Variants in ITGAE observed in about 807,000 individuals in gnomAD.
The protein encoded by ITGAE is integrin alpha-E.
Under a neutral mutation model 136.5 loss-of-function variants are expected in ITGAE, and 99 were observed. That is an observed-to-expected ratio of 0.73 (90% confidence interval 0.62 to 0.86). ITGAE has a LOEUF of 0.86. Ranked by LOEUF, ITGAE falls within the 40% of genes least tolerant of loss-of-function variation. The pLI, the probability that ITGAE is intolerant of heterozygous loss-of-function variation, is 0.00. For synonymous variants in ITGAE, 613 were observed against 591.8 expected, an observed-to-expected ratio of 1.04 and a Z score of -0.52; for missense variants, 1,447 against 1,515.3, an observed-to-expected ratio of 0.95 and a Z score of 0.75.
Position 3,750,466 on chromosome 17 carries a change from G to C in ITGAE, c.1910C>G (p.Thr637Arg), listed in dbSNP as rs142383038. ...ASPSQRIRAS[T>R]VAPGLQYFGM... is the part of the protein sequence containing the mutation. ...GAAGTACTGGAGTCCTGGGGCCACC[G>C]TGGAGGCTCTGATCCGCTGTGGAGG... Residue 637 changes from threonine (T) to arginine (R), a missense_variant, in exon 16 of 31, where the codon ACG becomes AGG. Physicochemically the swap from Thr to Arg is moderately conservative, Grantham distance 71. Transcript: ENST00000263087. 3 of 1,613,986 alleles carry C rather than the reference G, an allele frequency of 1.9e-6. No individual in the cohort carries two copies. Among genetic ancestry groups the C allele is most frequent in the Non-Finnish European group, 2.5e-6 (3 of 1,180,014 alleles).
At chr17:3,746,648 C>T (rs1428165145) in intron 17 of ITGAE, among the ~76,000 whole-genome samples, 3 of 152,050 alleles carry the variant, frequency 2.0e-5, no homozygotes, top group Admixed American at 6.6e-5. Context: ...TTAGTGGAGA[C>T]GGCGTTTCAC....
chr17:3,760,396 A>AG (rs2052136707), intron 6 of ITGAE, 109 bp from the exon 7 acceptor site: 3 of 289,930 alleles, frequency 1.0e-5, no homozygotes, highest in Non-Finnish European at 2.0e-5. Flanking sequence ...AGCTCAGTTC[A>AG]GGGAAGAAGT....
intron 2 of ITGAE, among the ~76,000 whole-genome samples, chr17:3,777,085 T>C (rs909533610): frequency 1.9e-4 from 29 of 151,864 alleles, no homozygotes; most frequent in South Asian, 6.2e-4. Context: ...CTCAGCCTCC[T>C]GAGTAGCTGG....
chr17:3,723,612 A>G, intron 27 of ITGAE, 76 bp downstream of exon 27: 1 of 1,430,674 alleles, frequency 7.0e-7, no homozygotes, highest in Non-Finnish European at 9.4e-7. Flanking sequence ...AACCCAGGAA[A>G]AACAGTCTCC....
chr17:3,787,535 G>C (rs1434114942), intron 1 of ITGAE, among the ~76,000 whole-genome samples: 1 of 152,162 alleles, frequency 6.6e-6, no homozygotes, highest in Non-Finnish European at 1.5e-5. Context: ...TGGGTTTCCA[G>C]GTGTGAGCCA....
At chr17:3,725,121 G>C (rs150745311) in intron 26 of ITGAE, 3 of 1,614,188 alleles carry the variant, frequency 1.9e-6, no homozygotes, top group East Asian at 4.5e-5. Flanking sequence ...GAAGAAAATT[G>C]TGACTGATGT....
chr17:3,724,291 G>A lies in ITGAE; in HGVS notation c.3085-547C>T, dbSNP rs1171143756. The A allele has an allele frequency of 6.6e-5, 105 of 1,587,020 alleles. No individual in the cohort carries two copies. The highest frequency in any genetic ancestry group is 8.1e-5 in the Non-Finnish European group (95 of 1,174,020). On this transcript the variant is annotated intron_variant, in intron 26 of 30. Transcript: ENST00000263087. Reference sequence around the variant, plus strand: ...GTGACCCCAAGACGCCTGGGGCTGCGAGCTCGGCCCCCGCAGAAGTGCAGC... The same window carrying A: ...GTGACCCCAAGACGCCTGGGGCTGCAAGCTCGGCCCCCGCAGAAGTGCAGC...
chr17:3,785,282 A>G (rs1044960093), intron 1 of ITGAE, among the ~76,000 whole-genome samples: 1 of 152,160 alleles, frequency 6.6e-6, no homozygotes, highest in Non-Finnish European at 1.5e-5. Context: ...CACCCTGGCC[A>G]ACATGGTGAA....
intron 12 of ITGAE, 27 bp downstream of exon 12, chr17:3,755,090 G>T (rs761897244): frequency 1.4e-6 from 2 of 1,416,514 alleles, no homozygotes; most frequent in South Asian, 1.2e-5. Context: ...AGGTGGCCCC[G>T]CCCTCATCAG....
In ITGAE at chr17:3,799,596, C is replaced by T. The variant is rs1056662016; in HGVS notation, c.34+1515G>A. On this transcript the variant is annotated intron_variant, in intron 1 of 30. Transcript: ENST00000263087. The surrounding 1 kb of genome is among the most constrained non-coding windows in gnomAD (Gnocchi z 4.1). ...CTTGCAAGCCTGGGTAGTCACTGCCCGCTCTGTGCCCCAGTCACCTCCTCT... is the reference window on the plus strand; with the variant it reads ...CTTGCAAGCCTGGGTAGTCACTGCCTGCTCTGTGCCCCAGTCACCTCCTCT... Among the ~76,000 whole-genome samples the T allele has an allele frequency of 1.3e-4, 20 of 151,990 alleles. No homozygotes were observed. The highest frequency in any genetic ancestry group is 6.2e-4 in the South Asian group (3 of 4,822).
chr17:3,786,989 T>C (rs892143072), intron 1 of ITGAE, among the ~76,000 whole-genome samples: 13 of 151,938 alleles, frequency 8.6e-5, no homozygotes, highest in Admixed American at 6.6e-4. Flanking sequence ...GTTTACTCCT[T>C]ACAACAGGAA....
rs1016581108 is a variant in ITGAE, at chr17:3,782,289, A to C, written c.35-4629T>G. Among the ~76,000 whole-genome samples, 5 of 148,696 alleles carry C rather than the reference A, an allele frequency of 3.4e-5. 1 individual carries two copies. Among genetic ancestry groups the C allele is most frequent in the African/African-American group, 1.2e-4 (5 of 40,742 alleles). On this transcript the variant is annotated intron_variant, in intron 1 of 30. Transcript: ENST00000263087. ...GACTCGGCCTCAAAAAAAAAAAAAA[A>C]AAAAAAAAAAAAGCATGGTCTGACC...
chr17:3,727,104 T>C lies in ITGAE; in HGVS notation c.3084+815A>G, dbSNP rs190749772. On this transcript the variant is annotated intron_variant, in intron 26 of 30. Transcript: ENST00000263087. Reference sequence around the variant, plus strand: ...TCCGTTTTTTGAGCCTTAACACTTATGTAGTCTGAGCAAAAAAAAAATGCC... The same window carrying C: ...TCCGTTTTTTGAGCCTTAACACTTACGTAGTCTGAGCAAAAAAAAAATGCC... 4.1e-3 allele frequency among the ~76,000 whole-genome samples: 604 copies of C among 149,076 alleles called. 8 individuals are homozygous for C. The highest frequency in any genetic ancestry group is 0.025 in the Admixed American group (372 of 14,912).
intron 1 of ITGAE, among the ~76,000 whole-genome samples, chr17:3,796,550 G>A (rs1030345061): frequency 6.6e-6 from 1 of 152,122 alleles, no homozygotes; most frequent in Non-Finnish European, 1.5e-5. Context: ...CGTGGAGGCT[G>A]AGGTTGGAGA....
chr17:3,754,227 A>G (rs2051945663), intron 12 of ITGAE, among the ~76,000 whole-genome samples: 1 of 152,112 alleles, frequency 6.6e-6, no homozygotes, highest in Non-Finnish European at 1.5e-5. Flanking sequence ...AGGAGGACGG[A>G]GAAGAGGGGT....
At chr17:3,718,156 A>T (rs2050977928) in intron 29 of ITGAE, 1 of 151,062 alleles carries the variant, frequency 6.6e-6, no homozygotes, top group Admixed American at 6.5e-5. Flanking sequence ...TTCAGGAATC[A>T]TCGTTGGTCT....
intron 30 of ITGAE, among the ~76,000 whole-genome samples, chr17:3,716,246 G>A (rs1340636653): frequency 2.8e-5 from 4 of 144,044 alleles, no homozygotes; most frequent in Non-Finnish European, 1.6e-5. Flanking sequence ...ATCTTAAATA[G>A]CAGTAGAAGA....
At position 3,745,860 on chromosome 17, in the gene ITGAE, C is replaced by CT. The variant is rs1567527880; in HGVS notation, c.2222dup (p.Cys742ValfsTer22). ...CCAGACAGCTTCTTACGTCTGAACA[C>CT]TGCAGCCGTCTCCTCTGCTTCCCCA... On this transcript the variant is annotated frameshift_variant, in exon 18 of 31. Coordinates refer to ENST00000263087, the MANE Select transcript of ITGAE (RefSeq NM_002208.5). LOFTEE classifies it high-confidence loss of function. The CT allele has an allele frequency of 8.1e-6, 13 of 1,613,970 alleles. No homozygotes were observed. Among genetic ancestry groups the CT allele is most frequent in the Non-Finnish European group, 1.1e-5 (13 of 1,180,032 alleles).
In ITGAE at chr17:3,776,054, C is replaced by CTTTTTTT. The variant is rs71153398; in HGVS notation, c.155+1479_155+1485dup. 2.3e-4 allele frequency among the ~76,000 whole-genome samples: 28 copies of CTTTTTTT among 122,852 alleles called. 1 individual carries two copies. Among genetic ancestry groups the CTTTTTTT allele is most frequent in the African/African-American group, 6.1e-4 (19 of 31,328 alleles). 80.6% of individuals were successfully genotyped at this position (122,852 alleles called of 152,430 possible). A position where few individuals can be genotyped will look rare whatever the true frequency, so the allele number is the denominator to read the frequency against. Reference sequence around the variant, plus strand: ...ATGTGGCCAGAAATTGTGCTAAGCCCTTTTTTTTTTTTTTTTTTTTTGAGA... The same window carrying CTTTTTTT: ...ATGTGGCCAGAAATTGTGCTAAGCCCTTTTTTTTTTTTTTTTTTTTTTTTTTTTGAGA... On this transcript the variant is annotated intron_variant, in intron 2 of 30. Transcript: ENST00000263087.
Sources: gnomAD v4.1 joint callset for allele counts (sites outside exome capture counted in the v4.1 genomes callset) on GRCh38, gnomAD v4.1.1 for gene constraint, Gnocchi (gnomAD v3.1) non-coding constraint, MANE v1.5 for transcripts, NCBI Gene and HGNC (gene_info 2026-07-23, HGNC 2026-07-21) for gene names.